CFH: variants seen among roughly 807,000 people sequenced by gnomAD.
The protein encoded by CFH is complement factor H, also known as H factor 1 (complement).
A neutral mutation model predicts 147.3 loss-of-function variants in CFH; 53 were observed. The ratio of observed to expected loss-of-function variants is 0.36; its 90% CI spans 0.29 to 0.45. The LOEUF (loss-of-function observed/expected upper bound fraction) is 0.45. Among genes scored for constraint, CFH ranks in the 20% least tolerant of loss-of-function variants. The pLI is 1.00. For synonymous variants in CFH, 536 were observed against 489.4 expected (o/e 1.10, Z -1.26); for missense variants, 1,380 against 1,498.0 (o/e 0.92, Z 1.30).
chr1:196,714,626 C>CGTATATATGT (rs1276647406), intron 10 of CFH, among the ~76,000 whole-genome samples: 29 of 18,098 alleles, frequency 1.6e-3, no homozygotes, highest in African/African-American at 6.9e-3. Flanking sequence ...TGTGTGTATA[C>CGTATATATGT]GTATATATGT....
At chr1:196,693,667 T>C (rs1668146287) in intron 9 of CFH, among the ~76,000 whole-genome samples, 1 of 152,090 alleles carries the variant, frequency 6.6e-6, no homozygotes, top group Non-Finnish European at 1.5e-5. Flanking sequence ...GCAGGTAGTA[T>C]AAACTGTGGA....
chr1:196,722,382 A>G (rs1057055693), intron 11 of CFH, among the ~76,000 whole-genome samples: 6 of 152,130 alleles, frequency 3.9e-5, no homozygotes, highest in African/African-American at 1.4e-4. Context: ...AATATGAACT[A>G]ATCTTTCTTT....
intron 19 of CFH, among the ~76,000 whole-genome samples, chr1:196,742,809 A>G (rs1652856261): frequency 6.6e-6 from 1 of 152,160 alleles, no homozygotes; most frequent in Non-Finnish European, 1.5e-5. Context: ...TGAATTTTGC[A>G]TTGTTCAGCA....
In CFH at chr1:196,746,056, C is replaced by T. The variant is rs868401358; in HGVS notation, c.3493+57C>T. The T allele has an allele frequency of 6.8e-6, 11 of 1,610,092 alleles. No homozygotes were observed. The African/African-American group carries it at 1.1e-4, about 16-fold the overall frequency. On this transcript the variant is annotated intron_variant, in intron 21 of 21. Coordinates refer to ENST00000367429, the MANE Select transcript of CFH (RefSeq NM_000186.4). Reference sequence around the variant, plus strand: ...AATCTCTGTGATGAGTCTGATATTTCACTGTTTGTAACAAAATACTCACAG... The same window carrying T: ...AATCTCTGTGATGAGTCTGATATTTTACTGTTTGTAACAAAATACTCACAG...
At chr1:196,728,255 G>A in intron 14 of CFH, 91 bp from the exon 15 acceptor site, 1 of 921,652 alleles carries the variant, frequency 1.1e-6, no homozygotes, top group Admixed American at 3.1e-5. Flanking sequence ...ATTTTACCAT[G>A]CTAATACTAT....
At chr1:196,731,453 G>A (rs899292549) in intron 15 of CFH, among the ~76,000 whole-genome samples, 1 of 151,722 alleles carries the variant, frequency 6.6e-6, no homozygotes, top group Non-Finnish European at 1.5e-5. Context: ...TCAATAATTC[G>A]TATCTCTTAA....
intron 9 of CFH, among the ~76,000 whole-genome samples, chr1:196,698,580 T>C (rs1248397599): frequency 6.6e-6 from 1 of 152,144 alleles, no homozygotes; most frequent in East Asian, 1.9e-4. Flanking sequence ...GTGGTAGTAA[T>C]TAATAGCCTG....
chr1:196,725,607 G>T (rs1391646809), intron 12 of CFH, among the ~76,000 whole-genome samples: 1 of 152,092 alleles, frequency 6.6e-6, no homozygotes, highest in Non-Finnish European at 1.5e-5. Flanking sequence ...TGTTTTATTT[G>T]GCTCACTATA....
intron 9 of CFH, chr1:196,701,218 C>A: frequency 1.3e-6 from 2 of 1,543,448 alleles, no homozygotes; most frequent in South Asian, 1.1e-5. Context: ...GGGAACTCTT[C>A]TTGTTTGGTC....
chr1:196,724,976 T>C (rs1669101569), intron 11 of CFH, 145 bp from the exon 12 acceptor site: 1 of 642,006 alleles, frequency 1.6e-6, no homozygotes, highest in South Asian at 1.9e-5. Flanking sequence ...AAACATAATA[T>C]GTAGCATTCT....
In CFH at chr1:196,673,897, T is replaced by C. The variant is rs148182625; in HGVS notation, c.285T>C (p.Thr95=). The C allele has an allele frequency of 4.8e-4, 781 of 1,613,506 alleles. No individual in the cohort carries two copies. The highest frequency in any genetic ancestry group is 5.6e-4 in the Non-Finnish European group (656 of 1,179,724). The stretch of plus-strand genomic sequence containing the variant: ...ATCCTGGAGATACTCCTTTTGGTAC[T>C]TTTACCCTTACAGGAGGAAATGTGT... ...CGHPGDTPFG[T]FTLTGGNVFE... is the part of the protein sequence containing the mutation. The change falls in exon 3 of 22, where the codon ACT becomes ACC. Residue 95 remains threonine (T), a synonymous_variant. Coordinates refer to ENST00000367429, the MANE Select transcript of CFH (RefSeq NM_000186.4).
chr1:196,744,271 A>G (rs1652926286), intron 20 of CFH, among the ~76,000 whole-genome samples: 1 of 149,606 alleles, frequency 6.7e-6, no homozygotes, highest in Admixed American at 6.7e-5. Context: ...TTACATATCC[A>G]TTCATCCTTT....
rs777158544 is a variant in CFH, at chr1:196,677,619, C to G, written c.571C>G (p.His191Asp). ...CAAGATTGAAGGAGATGAAGAAATG[C>G]ATTGTTCAGACGATGGTTTTTGGAG... ...GYKIEGDEEM[H>D]CSDDGFWSKE... The change falls in exon 5 of 22, where the codon CAT (histidine) becomes GAT (aspartate). Residue 191 changes from histidine (H) to aspartate (D), a missense_variant. His to Asp is a moderately conservative substitution (Grantham distance 81, BLOSUM62 -1). Coordinates refer to ENST00000367429, the MANE Select transcript of CFH (RefSeq NM_000186.4). The G allele has an allele frequency of 6.2e-7, 1 of 1,613,034 alleles. No individual in the cohort carries two copies. Among genetic ancestry groups the G allele is most frequent in the South Asian group, 1.1e-5 (1 of 91,060 alleles).
chr1:196,705,385 G>A (rs915195793), intron 9 of CFH, among the ~76,000 whole-genome samples: 1 of 152,142 alleles, frequency 6.6e-6, no homozygotes, highest in Non-Finnish European at 1.5e-5. Flanking sequence ...GGGGTTTTTA[G>A]GTATGGCTGA....
At chr1:196,738,895 C>G (rs777661290) in intron 17 of CFH, among the ~76,000 whole-genome samples, 3 of 152,202 alleles carry the variant, frequency 2.0e-5, no homozygotes, top group South Asian at 2.1e-4. Flanking sequence ...TGGGCTCCCC[C>G]CTGCAGCAAA....
chr1:196,677,727 A>AAG, intron 5 of CFH, 60 bp downstream of exon 5: 1 of 1,457,110 alleles, frequency 6.9e-7, no homozygotes. Context: ...TACATTTAAA[A>AAG]CATCGTTCAT....
At chr1:196,709,319 C>T (rs1265434833) in intron 9 of CFH, among the ~76,000 whole-genome samples, 1 of 152,084 alleles carries the variant, frequency 6.6e-6, no homozygotes, top group Non-Finnish European at 1.5e-5. Flanking sequence ...TTAAATATTA[C>T]AATAAAACCA....
At chr1:196,692,265 TTTTCACCCTAATCATGACC>T (rs1310622072) in intron 9 of CFH, 2 of 190,726 alleles carry the variant, frequency 1.0e-5, no homozygotes, top group African/African-American at 4.7e-5. Flanking sequence ...TGGATATGAC[TTTTCACCCTAATCATGACC>T]TTTCACCCAA....
chr1:196,685,295 T>C, intron 7 of CFH, 58 bp downstream of exon 7: 2 of 1,538,254 alleles, frequency 1.3e-6, no homozygotes, highest in Admixed American at 1.7e-5. Flanking sequence ...TTTAAACACA[T>C]AAAAAATAGG....
Sources: gnomAD v4.1 joint callset for allele counts (sites outside exome capture counted in the v4.1 genomes callset) on GRCh38, gnomAD v4.1.1 for gene constraint, MANE v1.5 for transcripts, NCBI Gene and HGNC (gene_info 2026-07-23, HGNC 2026-07-21) for gene names.